The following PRKN variants were observed in gnomAD, a reference collection of about 807,000 sequenced individuals.
PRKN encodes E3 ubiquitin-protein ligase parkin.
A neutral mutation model predicts 59.5 loss-of-function variants in PRKN; 56 were observed. The observed-to-expected ratio is 0.94, with a 90% CI of 0.76 to 1.18. PRKN has a LOEUF of 1.18. PRKN is among the 50% of genes most tolerant of loss of function. The probability of loss-of-function intolerance (pLI) is 0.00; values close to 1 mark genes in which losing one functional copy is unlikely to be tolerated. For missense variants in PRKN, 657 were observed against 596.4 expected, an observed-to-expected ratio of 1.10 and a Z score of -1.06; for synonymous variants, 250 against 222.1, an observed-to-expected ratio of 1.13 and a Z score of -1.12.
chr6:162,685,130 T>C (rs1007628524), intron 1 of PRKN, among the ~76,000 whole-genome samples: 1 of 152,196 alleles, frequency 6.6e-6, no homozygotes, highest in African/African-American at 2.4e-5. Context: ...TGAGTATTAA[T>C]GCTCTAATCT....
At chr6:162,459,689 T>A (rs930798735) in intron 1 of PRKN, among the ~76,000 whole-genome samples, 2 of 152,210 alleles carry the variant, frequency 1.3e-5, no homozygotes, top group Admixed American at 6.5e-5. Context: ...AAGTATGAAA[T>A]GTCTGACTAC....
At chr6:161,770,883 C>T (rs1021945636) in intron 7 of PRKN, among the ~76,000 whole-genome samples, 23 of 151,974 alleles carry the variant, frequency 1.5e-4, no homozygotes, top group East Asian at 7.7e-4. Flanking sequence ...GGAAAATAGA[C>T]CACAGGAGGA....
At chr6:162,542,448 G>A (rs1038925586) in intron 1 of PRKN, among the ~76,000 whole-genome samples, 1 of 151,994 alleles carries the variant, frequency 6.6e-6, no homozygotes, top group Non-Finnish European at 1.5e-5. Flanking sequence ...AAAATATACT[G>A]CTCCTTAAAT....
intron 9 of PRKN, among the ~76,000 whole-genome samples, chr6:161,508,999 C>T (rs1778277893): frequency 6.6e-6 from 1 of 152,142 alleles, no homozygotes; most frequent in Non-Finnish European, 1.5e-5. Context: ...CATGCGCCAC[C>T]ATGCCCAGCT....
intron 7 of PRKN, among the ~76,000 whole-genome samples, chr6:161,613,757 A>G (rs1233187392): frequency 6.6e-6 from 1 of 152,212 alleles, no homozygotes; most frequent in Non-Finnish European, 1.5e-5. Context: ...TGAATCTGCA[A>G]TATCTCTGAG....
At chr6:162,266,737 T>G (rs1257976256) in intron 2 of PRKN, among the ~76,000 whole-genome samples, 1 of 152,164 alleles carries the variant, frequency 6.6e-6, no homozygotes, top group Non-Finnish European at 1.5e-5. Flanking sequence ...TTTTGAAGAT[T>G]TAAGGAAATG....
intron 7 of PRKN, among the ~76,000 whole-genome samples, chr6:161,627,436 C>CTACT (rs1347494255): frequency 1.3e-5 from 2 of 152,172 alleles, no homozygotes; most frequent in African/African-American, 4.8e-5. Flanking sequence ...ACTTTACATG[C>CTACT]TACTTAAAAT....
At chr6:162,079,260 GGAC>G (rs1778960480) in intron 4 of PRKN, among the ~76,000 whole-genome samples, 2 of 152,142 alleles carry the variant, frequency 1.3e-5, no homozygotes, top group Non-Finnish European at 2.9e-5. Context: ...GGAAAAGCAA[GGAC>G]GATAGTTGGG....
intron 1 of PRKN, among the ~76,000 whole-genome samples, chr6:162,454,698 A>C (rs893873846): frequency 4.6e-5 from 7 of 152,214 alleles, no homozygotes; most frequent in Admixed American, 4.6e-4. Flanking sequence ...TATGTCTGGA[A>C]ACACATTTAT....
At chr6:162,486,807 T>C (rs1309167491) in intron 1 of PRKN, among the ~76,000 whole-genome samples, 1 of 152,152 alleles carries the variant, frequency 6.6e-6, no homozygotes, top group Non-Finnish European at 1.5e-5. Flanking sequence ...TGGTGGCTCA[T>C]GCCTGTAATA....
intron 4 of PRKN, among the ~76,000 whole-genome samples, chr6:162,130,634 G>C (rs555949409): frequency 6.6e-6 from 1 of 152,092 alleles, no homozygotes; most frequent in East Asian, 1.9e-4. Context: ...AGTAGCAGTA[G>C]GAAATCAATG....
In PRKN at chr6:161,546,836, C is replaced by T. The variant is rs186393260; in HGVS notation, c.1083+2018G>A. On this transcript the variant is annotated intron_variant, in intron 9 of 11. Transcript: ENST00000366898. This position sits in a 1 kb window ranked among gnomAD's most constrained non-coding sequence, Gnocchi z 4.4. Reference sequence around the variant, plus strand: ...AACTTGCTCTGGGGAAAGCCAGCTGCCATCATGGGGACAAACAGCCTAAGA... The same window carrying T: ...AACTTGCTCTGGGGAAAGCCAGCTGTCATCATGGGGACAAACAGCCTAAGA... Among the ~76,000 whole-genome samples, 29 of 152,110 alleles carry T rather than the reference C, an allele frequency of 1.9e-4. No individual in the cohort carries two copies. The highest frequency in any genetic ancestry group is 7.0e-4 in the African/African-American group (29 of 41,506).
At chr6:161,726,577 T>C (rs1467897947) in intron 7 of PRKN, among the ~76,000 whole-genome samples, 3 of 152,178 alleles carry the variant, frequency 2.0e-5, no homozygotes, top group Non-Finnish European at 2.9e-5. Flanking sequence ...AAAAATAAAT[T>C]CATCATTTAT....
At chr6:162,667,732 A>G (rs1185361346) in intron 1 of PRKN, among the ~76,000 whole-genome samples, 1 of 152,164 alleles carries the variant, frequency 6.6e-6, no homozygotes, top group Admixed American at 6.5e-5. Flanking sequence ...TGGAGCTTGA[A>G]TATCTGGATT....
Position 162,141,858 on chromosome 6 carries a change from GCA to G in PRKN, c.534+59271_534+59272del, listed in dbSNP as rs1284331240. 1.2e-3 allele frequency among the ~76,000 whole-genome samples: 176 copies of G among 152,246 alleles called. 1 individual carries two copies. The highest frequency in any genetic ancestry group is 4.0e-3 in the African/African-American group (167 of 41,540). On this transcript the variant is annotated intron_variant, in intron 4 of 11. Coordinates refer to ENST00000366898, the MANE Select transcript of PRKN (RefSeq NM_004562.3). ...AGTAGCCTTTTTCCCTAGAGAAGAA[GCA>G]TTAAAGGAGAGTCAGTCTAACCAGG...
chr6:161,668,592 T>C (rs896746010), intron 7 of PRKN, among the ~76,000 whole-genome samples: 3 of 152,200 alleles, frequency 2.0e-5, no homozygotes, highest in Admixed American at 1.3e-4. Context: ...GCTCCATTAA[T>C]TCTTCTCTGT....
intron 7 of PRKN, among the ~76,000 whole-genome samples, chr6:161,725,757 C>A (rs1346373389): frequency 1.3e-5 from 2 of 152,112 alleles, no homozygotes; most frequent in Non-Finnish European, 2.9e-5. Flanking sequence ...AAAGAAAATT[C>A]TTTGTTTGCA....
chr6:162,185,154 T>G (rs2128324378), intron 4 of PRKN, among the ~76,000 whole-genome samples: 1 of 152,324 alleles, frequency 6.6e-6, no homozygotes, highest in Admixed American at 6.5e-5. Flanking sequence ...AAACTATGTA[T>G]TCCACAGCAC....
At position 161,561,453 on chromosome 6, in the gene PRKN, C is replaced by G. The variant is rs553423897; in HGVS notation, c.933+7902G>C. Among the ~76,000 whole-genome samples, 5 of 152,298 alleles carry G rather than the reference C, an allele frequency of 3.3e-5. No homozygotes were observed. In the South Asian group the frequency reaches 1.0e-3, roughly 32 times the overall value. On this transcript the variant is annotated intron_variant, in intron 8 of 11. Transcript: ENST00000366898. The surrounding 1 kb of genome is among the most constrained non-coding windows in gnomAD (Gnocchi z 5.0). ...TCAACAGATGTTTCCTAAGCACACT[C>G]TAAGTGTCAAGTACTCTTCTATGTG...
Sources: allele counts gnomAD v4.1 joint callset (sites outside exome capture counted in the v4.1 genomes callset), GRCh38; gene constraint gnomAD v4.1.1; non-coding constraint Gnocchi (gnomAD v3.1); transcripts MANE v1.5; gene names NCBI Gene and HGNC (gene_info 2026-07-23, HGNC 2026-07-21).